The following DPP10 variants were observed in gnomAD, a reference collection of about 807,000 sequenced individuals.
DPP10 encodes the protein dipeptidyl peptidase like 10.
Under a neutral mutation model 120.9 loss-of-function variants are expected in DPP10, and 33 were observed. The ratio of observed to expected loss-of-function variants is 0.27; its 90% CI spans 0.21 to 0.37. The LOEUF (loss-of-function observed/expected upper bound fraction) is 0.37, where lower values mean the gene tolerates loss of function less well. Ranked by LOEUF, DPP10 falls within the 10% of genes least tolerant of loss-of-function variation. DPP10 has a pLI of 1.00. For synonymous variants in DPP10, 337 were observed against 326.1 expected, an observed-to-expected ratio of 1.03 and a Z score of -0.36; for missense variants, 816 against 942.8, an observed-to-expected ratio of 0.87 and a Z score of 1.76.
chr2:115,826,922 G>C (rs1271064933), intron 21 of DPP10, among the ~76,000 whole-genome samples: 1 of 151,936 alleles, frequency 6.6e-6, no homozygotes, highest in Admixed American at 6.6e-5. Context: ...TATTCAATCT[G>C]ACAGACTCTG....
chr2:115,632,281 C>T (rs2149320884), intron 5 of DPP10, among the ~76,000 whole-genome samples: 1 of 152,196 alleles, frequency 6.6e-6, no homozygotes, highest in South Asian at 2.1e-4. Flanking sequence ...TTTCCCCCAT[C>T]CCTTTCTTTT....
At chr2:114,612,870 C>T (rs1693390513) in intron 1 of DPP10, among the ~76,000 whole-genome samples, 1 of 152,118 alleles carries the variant, frequency 6.6e-6, no homozygotes, top group Non-Finnish European at 1.5e-5. Context: ...ATAATAATCA[C>T]TTAATGATAA....
intron 11 of DPP10, 25 bp from the exon 12 acceptor site, chr2:115,762,547 C>A: frequency 6.2e-7 from 1 of 1,613,274 alleles, no homozygotes; most frequent in African/African-American, 1.3e-5. Context: ...TTAGATGCTT[C>A]ATGGAGTTAA....
chr2:114,763,989 T>G (rs1680498480), intron 1 of DPP10, among the ~76,000 whole-genome samples: 1 of 152,178 alleles, frequency 6.6e-6, no homozygotes, highest in African/African-American at 2.4e-5. Context: ...CTGGCTCTTT[T>G]GCAGAAAGAA....
intron 5 of DPP10, among the ~76,000 whole-genome samples, chr2:115,633,259 G>T (rs921512318): frequency 3.9e-5 from 6 of 151,984 alleles, no homozygotes; most frequent in African/African-American, 7.3e-5. Context: ...CTATAAAAAA[G>T]GATGAGTTCA....
At chr2:114,624,822 G>A (rs1367257266) in intron 1 of DPP10, among the ~76,000 whole-genome samples, 1 of 151,746 alleles carries the variant, frequency 6.6e-6, no homozygotes. Flanking sequence ...ATAACAATAG[G>A]ATAATAAAGC....
chr2:114,835,095 A>T (rs1687595223), intron 1 of DPP10: 1 of 150,720 alleles, frequency 6.6e-6, no homozygotes, highest in South Asian at 2.1e-4. Flanking sequence ...ACCTATGTAT[A>T]TATAAGCCAT....
At chr2:115,416,146 T>C (rs537992102) in intron 3 of DPP10, among the ~76,000 whole-genome samples, 7 of 152,076 alleles carry the variant, frequency 4.6e-5, no homozygotes, top group Admixed American at 1.3e-4. Context: ...TAAGATGCAC[T>C]GCAGAATATG....
At chr2:115,183,395 G>A (rs1285584887) in intron 1 of DPP10, among the ~76,000 whole-genome samples, 4 of 152,046 alleles carry the variant, frequency 2.6e-5, no homozygotes, top group South Asian at 2.1e-4. Context: ...GCCCCCCAGC[G>A]GTCATCCAAT....
At chr2:115,789,117 CA>C (rs1237124280) in intron 17 of DPP10, among the ~76,000 whole-genome samples, 2 of 145,756 alleles carry the variant, frequency 1.4e-5, no homozygotes, top group African/African-American at 2.5e-5. Context: ...GACTCCGTCT[CA>C]AAAAAAAATA....
chr2:114,595,567 A>C (rs1053443358), intron 1 of DPP10, among the ~76,000 whole-genome samples: 2 of 152,148 alleles, frequency 1.3e-5, no homozygotes, highest in Non-Finnish European at 2.9e-5. Flanking sequence ...TTAATGACAC[A>C]TAGTTTTCAT....
At chr2:115,623,169 T>C (rs2085101450) in intron 5 of DPP10, among the ~76,000 whole-genome samples, 1 of 152,146 alleles carries the variant, frequency 6.6e-6, no homozygotes, top group African/African-American at 2.4e-5. Flanking sequence ...TTATTGTCTA[T>C]GGGTATTTTT....
chr2:114,668,784 A>G (rs567697008), intron 1 of DPP10, among the ~76,000 whole-genome samples: 1 of 152,202 alleles, frequency 6.6e-6, no homozygotes, highest in Admixed American at 6.5e-5. Context: ...TTCTCTGTGG[A>G]ATGTTCCCTC....
At chr2:115,693,250 A>G (rs1362559900) in intron 7 of DPP10, among the ~76,000 whole-genome samples, 2 of 152,172 alleles carry the variant, frequency 1.3e-5, no homozygotes, top group African/African-American at 2.4e-5. Flanking sequence ...TGCATAGAAT[A>G]TGGTAAATAT....
chr2:115,654,623 A>T (rs561051525), intron 5 of DPP10, among the ~76,000 whole-genome samples: 3 of 150,392 alleles, frequency 2.0e-5, no homozygotes, highest in South Asian at 2.1e-4. Flanking sequence ...TGGAAATTAA[A>T]TAATATGCTT....
intron 1 of DPP10, among the ~76,000 whole-genome samples, chr2:115,058,338 TC>T (rs1048691667): frequency 2.0e-5 from 3 of 150,694 alleles, no homozygotes; most frequent in African/African-American, 7.3e-5. Context: ...CTTCTACTGC[TC>T]TTTTAGAAGT....
intron 5 of DPP10, among the ~76,000 whole-genome samples, chr2:115,629,718 T>G (rs2085678218): frequency 6.6e-6 from 1 of 152,180 alleles, no homozygotes. Context: ...GTTGTAGATG[T>G]GTGGTGTTAT....
At chr2:115,088,746 C>A (rs1271115850) in intron 1 of DPP10, among the ~76,000 whole-genome samples, 1 of 7,002 alleles carries the variant, frequency 1.4e-4, no homozygotes, top group Non-Finnish European at 9.0e-4. Context: ...GCCACTGTGC[C>A]TGACAAAAAA....
At chr2:114,984,107 G>A (rs991390812) in intron 1 of DPP10, among the ~76,000 whole-genome samples, 20 of 152,090 alleles carry the variant, frequency 1.3e-4, no homozygotes, top group Admixed American at 5.9e-4. Flanking sequence ...CCAGAACTTG[G>A]ACTTTCTGGC....
Sources: gnomAD v4.1 joint callset for allele counts (sites outside exome capture counted in the v4.1 genomes callset) on GRCh38, gnomAD v4.1.1 for gene constraint, MANE v1.5 for transcripts, NCBI Gene and HGNC (gene_info 2026-07-23, HGNC 2026-07-21) for gene names.